The following HLCS variants were observed in gnomAD, a reference collection of about 807,000 sequenced individuals.
HLCS encodes the protein biotin--protein ligase.
HLCS carries 53 observed loss-of-function variants against 75.0 expected under a neutral mutation model. The ratio of observed to expected loss-of-function variants is 0.71; its 90% CI spans 0.57 to 0.89. The LOEUF (loss-of-function observed/expected upper bound fraction) is 0.89, where lower values mean the gene tolerates loss of function less well. Ranked by LOEUF, HLCS falls within the 40% of genes least tolerant of loss-of-function variation. The pLI is 0.00. For missense variants in HLCS, 966 were observed against 1,074.0 expected (o/e 0.90, Z 1.41); for synonymous variants, 431 against 428.6 (o/e 1.01, Z -0.07).
intron 8 of HLCS, among the ~76,000 whole-genome samples, chr21:36,761,645 G>C (rs1167068494): frequency 1.3e-5 from 2 of 152,144 alleles, no homozygotes; most frequent in African/African-American, 2.4e-5. Flanking sequence ...CATCCTTTAA[G>C]GCACAGGACA....
At chr21:36,896,434 T>A in intron 6 of HLCS, 2 of 227,750 alleles carry the variant, frequency 8.8e-6, no homozygotes, top group Non-Finnish European at 1.7e-5. Context: ...CTTTTTCAAT[T>A]TACACAGCTT....
chr21:36,932,327 T>C (rs2066684265), intron 4 of HLCS, among the ~76,000 whole-genome samples: 2 of 152,250 alleles, frequency 1.3e-5, no homozygotes, highest in South Asian at 4.1e-4. Flanking sequence ...ATTGGTTTCA[T>C]TGTTTGTCAT....
At chr21:36,771,676 G>A (rs909896492) in intron 6 of HLCS, among the ~76,000 whole-genome samples, 2 of 152,120 alleles carry the variant, frequency 1.3e-5, no homozygotes, top group African/African-American at 2.4e-5. Flanking sequence ...TACAGACAGC[G>A]TGAGTCCAAT....
intron 2 of HLCS, among the ~76,000 whole-genome samples, chr21:36,960,142 C>T (rs1362244179): frequency 2.5e-5 from 3 of 120,480 alleles, no homozygotes; most frequent in Non-Finnish European, 5.2e-5. Context: ...CCCCCCCCCC[C>T]CCCGACCCTG....
chr21:36,916,518 ATTTTTTTT>A (rs57613865), intron 5 of HLCS, among the ~76,000 whole-genome samples: 6 of 93,012 alleles, frequency 6.5e-5, no homozygotes, highest in Non-Finnish European at 1.4e-4. Context: ...TGCCTAGCTA[ATTTTTTTT>A]TTTTTTTTTT....
chr21:36,885,984 T>C (rs1435777333), intron 6 of HLCS, among the ~76,000 whole-genome samples: 3 of 152,040 alleles, frequency 2.0e-5, no homozygotes, highest in Non-Finnish European at 4.4e-5. Flanking sequence ...AAGATCTAAG[T>C]AATGTAAAAT....
chr21:36,809,512 A>G (rs1318657880), intron 6 of HLCS, among the ~76,000 whole-genome samples: 1 of 151,900 alleles, frequency 6.6e-6, no homozygotes, highest in Non-Finnish European at 1.5e-5. Context: ...TTTAGCTATT[A>G]TTTCTTCTAC....
upstream of HLCS, among the ~76,000 whole-genome samples, chr21:36,971,156 A>G (rs1044466846): frequency 1.3e-5 from 2 of 152,200 alleles, no homozygotes; most frequent in Non-Finnish European, 2.9e-5. Context: ...TTAGAGCATC[A>G]AAAGAATTTA....
In HLCS at chr21:36,936,481, C is replaced by T; in HGVS notation, c.1405G>A (p.Gly469Arg). ...KDRMIVHVPF[G>R]TRGGEAVLCQ... ...AGAACAGCTTCTCCCCCGCGAGTTC[C>T]AAAAGGCACATGCACAATCATCCTG... The change falls in exon 4 of 11, where the codon GGA becomes AGA. Residue 469 changes from glycine (G) to arginine (R), a missense_variant. By Grantham distance (125) the Gly-to-Arg change is moderately radical (BLOSUM62 -2). Coordinates refer to ENST00000674895, the MANE Select transcript of HLCS (RefSeq NM_001352514.2). The T allele has an allele frequency of 6.2e-7, 1 of 1,614,218 alleles. No individual in the cohort carries two copies. Among genetic ancestry groups the T allele is most frequent in the Non-Finnish European group, 8.5e-7 (1 of 1,180,036 alleles).
chr21:36,827,133 G>A (rs1214708788), intron 6 of HLCS, among the ~76,000 whole-genome samples: 1 of 152,112 alleles, frequency 6.6e-6, no homozygotes. Flanking sequence ...GGAAATAGAG[G>A]TGCCTTGAAG....
intron 6 of HLCS, among the ~76,000 whole-genome samples, chr21:36,832,234 G>A (rs2062237247): frequency 6.6e-6 from 1 of 152,148 alleles, no homozygotes; most frequent in Non-Finnish European, 1.5e-5. Context: ...TAACGAAAGG[G>A]CAAAAAGGTA....
intron 2 of HLCS, among the ~76,000 whole-genome samples, chr21:36,958,567 T>C (rs533151032): frequency 7.9e-5 from 12 of 152,224 alleles, no homozygotes; most frequent in African/African-American, 2.2e-4. Flanking sequence ...GGCAGGCAGA[T>C]TGCCTGAGCT....
intron 1 of HLCS, among the ~76,000 whole-genome samples, chr21:36,979,922 G>T (rs28530): frequency 6.6e-6 from 1 of 150,600 alleles, no homozygotes; most frequent in African/African-American, 2.4e-5. Flanking sequence ...AGGCATGGTG[G>T]TGTGTGCCTG....
chr21:36,826,265 T>C (rs1377272438), intron 6 of HLCS, among the ~76,000 whole-genome samples: 1 of 152,100 alleles, frequency 6.6e-6, no homozygotes, highest in African/African-American at 2.4e-5. Flanking sequence ...CCCACTTCGG[T>C]GGCTGTTTTC....
At chr21:36,834,153 T>C (rs974616573) in intron 6 of HLCS, among the ~76,000 whole-genome samples, 5 of 152,206 alleles carry the variant, frequency 3.3e-5, no homozygotes, top group African/African-American at 1.2e-4. Context: ...CTGGAACCAA[T>C]CCCTCACAGA....
chr21:36,903,437 G>A (rs757554461), intron 5 of HLCS, among the ~76,000 whole-genome samples: 2 of 152,086 alleles, frequency 1.3e-5, no homozygotes, highest in Non-Finnish European at 2.9e-5. Context: ...ATGTCACCAG[G>A]TCACCACACA....
chr21:36,817,058 G>A (rs140343501), intron 6 of HLCS, among the ~76,000 whole-genome samples: 30 of 152,292 alleles, frequency 2.0e-4, no homozygotes, highest in African/African-American at 7.0e-4. Context: ...GCTGCTGCAG[G>A]AACTTTTCAG....
chr21:36,824,124 A>C (rs953842093), intron 6 of HLCS, among the ~76,000 whole-genome samples: 1 of 152,234 alleles, frequency 6.6e-6, no homozygotes, highest in African/African-American at 2.4e-5. Context: ...TACTAAAAAT[A>C]CAAAAAAAGT....
At chr21:36,836,434 G>A (rs969670828) in intron 6 of HLCS, among the ~76,000 whole-genome samples, 3 of 150,288 alleles carry the variant, frequency 2.0e-5, no homozygotes, top group Admixed American at 1.3e-4. Context: ...CTAGCATTAG[G>A]TATATCTCCC....
Sources: gnomAD v4.1 joint callset for allele counts (sites outside exome capture counted in the v4.1 genomes callset) on GRCh38, gnomAD v4.1.1 for gene constraint, MANE v1.5 for transcripts, NCBI Gene and HGNC (gene_info 2026-07-23, HGNC 2026-07-21) for gene names.